SKIC3: variants seen among roughly 807,000 people sequenced by gnomAD.
The protein encoded by SKIC3 is superkiller complex protein 3.
At chr5:95,522,380 A>T in the SKIC3 span, 4 of 1,529,330 alleles carry the variant, frequency 2.6e-6, no homozygotes, top group Admixed American at 7.7e-5. Flanking sequence ...AATATAAAAT[A>T]AATAATTCAA....
At chr5:95,487,543 C>T in the SKIC3 span, among the ~76,000 whole-genome samples, 2 of 152,186 alleles carry the variant, frequency 1.3e-5, no homozygotes, top group Non-Finnish European at 2.9e-5. Flanking sequence ...CACCAAGCCT[C>T]CACTAACAAG....
chr5:95,522,532 T>G, the SKIC3 span, among the ~76,000 whole-genome samples: 1 of 152,126 alleles, frequency 6.6e-6, no homozygotes, highest in African/African-American at 2.4e-5. Context: ...TTTGAAAAAG[T>G]GCTGAACAAA....
At chr5:95,503,961 CT>C in the SKIC3 span, 1 of 1,612,542 alleles carries the variant, frequency 6.2e-7, no homozygotes, top group Non-Finnish European at 8.5e-7. Context: ...GCACAACTTA[CT>C]TTTAATATCA....
the SKIC3 span, among the ~76,000 whole-genome samples, chr5:95,527,548 CT>C: frequency 6.6e-6 from 1 of 152,098 alleles, no homozygotes; most frequent in Non-Finnish European, 1.5e-5. Context: ...TCACTATGGA[CT>C]TTCAAATTGC....
the SKIC3 span, among the ~76,000 whole-genome samples, chr5:95,468,344 A>C: frequency 6.6e-6 from 1 of 152,178 alleles, no homozygotes; most frequent in Non-Finnish European, 1.5e-5. Flanking sequence ...TGAGTGCTCT[A>C]CCTCCAATCT....
At chr5:95,547,675 CA>C in the SKIC3 span, among the ~76,000 whole-genome samples, 1 of 151,930 alleles carries the variant, frequency 6.6e-6, no homozygotes, top group Non-Finnish European at 1.5e-5. Context: ...GGCTAAAATA[CA>C]AATGATCTTG....
the SKIC3 span, chr5:95,478,392 C>G: frequency 1.4e-5 from 22 of 1,613,866 alleles, no homozygotes; most frequent in Non-Finnish European, 1.8e-5. Context: ...TTCTGTAACA[C>G]ATCTCTGCAG....
At chr5:95,464,444 A>T in the SKIC3 span, 3 of 591,442 alleles carry the variant, frequency 5.1e-6, no homozygotes, top group Non-Finnish European at 8.8e-6. Flanking sequence ...GTTTGGAGTT[A>T]ACAGAAAATT....
the SKIC3 span, chr5:95,530,306 A>T: frequency 1.3e-6 from 2 of 1,550,510 alleles, no homozygotes; most frequent in Middle Eastern, 1.7e-4. Context: ...TTAAATCTCA[A>T]AATCTGCCTT....
At chr5:95,494,376 G>A in the SKIC3 span, among the ~76,000 whole-genome samples, 2 of 152,086 alleles carry the variant, frequency 1.3e-5, no homozygotes, top group African/African-American at 4.8e-5. Flanking sequence ...AAGATTGATA[G>A]AATCTAAATT....
chr5:95,500,323 G>C, the SKIC3 span, among the ~76,000 whole-genome samples: 1 of 152,096 alleles, frequency 6.6e-6, no homozygotes, highest in African/African-American at 2.4e-5. Flanking sequence ...GGTTAAACCA[G>C]GTCAAAACAG....
chr5:95,471,498 T>G, the SKIC3 span, among the ~76,000 whole-genome samples: 1 of 152,202 alleles, frequency 6.6e-6, no homozygotes, highest in Non-Finnish European at 1.5e-5. Context: ...TATTCCATTT[T>G]TCTTACATTC....
the SKIC3 span, chr5:95,548,502 A>G: frequency 3.3e-5 from 5 of 152,180 alleles, no homozygotes; most frequent in South Asian, 8.3e-4. Flanking sequence ...GCCTAGTTAC[A>G]ATAATTATAT....
the SKIC3 span, among the ~76,000 whole-genome samples, chr5:95,552,163 G>T: frequency 1.3e-5 from 2 of 152,094 alleles, no homozygotes; most frequent in Non-Finnish European, 2.9e-5. Context: ...AAGTTAAAAT[G>T]GGTTTATCAT....
the SKIC3 span, among the ~76,000 whole-genome samples, chr5:95,552,223 CA>C: frequency 6.6e-6 from 1 of 152,174 alleles, no homozygotes; most frequent in Non-Finnish European, 1.5e-5. Flanking sequence ...CAGCTATCAT[CA>C]AACATGAGTA....
chr5:95,514,859 C>T, the SKIC3 span: 6 of 1,611,900 alleles, frequency 3.7e-6, no homozygotes, highest in South Asian at 1.1e-5. Flanking sequence ...TCTTACTTGT[C>T]CAATCCAGCA....
chr5:95,503,970 T>A, the SKIC3 span: 1 of 1,611,286 alleles, frequency 6.2e-7, no homozygotes, highest in East Asian at 2.2e-5. Flanking sequence ...ACTTTTAATA[T>A]CAAAAGTAAT....
the SKIC3 span, among the ~76,000 whole-genome samples, chr5:95,488,016 G>C: frequency 6.6e-6 from 1 of 151,978 alleles, no homozygotes; most frequent in East Asian, 1.9e-4. Context: ...ACAAATTCTA[G>C]AAATGAAGAA....
the SKIC3 span, among the ~76,000 whole-genome samples, chr5:95,519,876 C>T: frequency 6.6e-6 from 1 of 151,866 alleles, no homozygotes; most frequent in Non-Finnish European, 1.5e-5. Flanking sequence ...TAAAGCATGC[C>T]CTTTACACAG....
Sources: allele counts gnomAD v4.1 joint callset (sites outside exome capture counted in the v4.1 genomes callset), GRCh38; gene constraint gnomAD v4.1.1; transcripts MANE v1.5; gene names NCBI Gene and HGNC (gene_info 2026-07-23, HGNC 2026-07-21).